MEIS1: variants seen among roughly 807,000 people sequenced by gnomAD.
The protein encoded by MEIS1 is homeobox protein Meis1.
MEIS1 carries 5 observed loss-of-function variants against 50.8 expected under a neutral mutation model. The observed-to-expected ratio is 0.10, with a 90% CI of 0.05 to 0.21. The LOEUF is 0.21. MEIS1 is among the 10% of genes least tolerant of loss of function. MEIS1 has a pLI of 1.00. For missense variants in MEIS1, 318 were observed against 517.3 expected (o/e 0.61, Z 3.74); for synonymous variants, 176 against 179.3 (o/e 0.98, Z 0.15).
chr2:66,482,076 G>A (rs1673030400), intron 7 of MEIS1, among the ~76,000 whole-genome samples: 1 of 151,894 alleles, frequency 6.6e-6, no homozygotes, highest in Non-Finnish European at 1.5e-5. Context: ...TGGCCAGGAT[G>A]GTCTCAATCT....
intron 7 of MEIS1, among the ~76,000 whole-genome samples, chr2:66,491,037 A>C (rs1224205135): frequency 6.6e-6 from 1 of 150,772 alleles, no homozygotes; most frequent in Non-Finnish European, 1.5e-5. Context: ...TTGTTACAAC[A>C]ACAAGAAAAA....
chr2:66,456,233 T>TACACACAC (rs200022620), intron 6 of MEIS1, among the ~76,000 whole-genome samples: 8 of 63,186 alleles, frequency 1.3e-4, no homozygotes, highest in Non-Finnish European at 2.5e-4. Flanking sequence ...ATATGATTTT[T>TACACACAC]ATACACACAC....
intron 7 of MEIS1, among the ~76,000 whole-genome samples, chr2:66,509,455 T>G (rs1673769524): frequency 6.6e-6 from 1 of 152,254 alleles, no homozygotes; most frequent in South Asian, 2.1e-4. Flanking sequence ...GTAGCTGTAT[T>G]TGCCTAAAAA....
intron 7 of MEIS1, among the ~76,000 whole-genome samples, chr2:66,473,397 A>AATATATATATATATATATATATAT (rs1553373466): frequency 4.6e-5 from 5 of 107,552 alleles, no homozygotes; most frequent in African/African-American, 2.3e-4. Context: ...AAAAAAAAAA[A>AATATATATATATATATATATATAT]ATATATATAT....
chr2:66,522,324 A>G (rs1177746335), intron 8 of MEIS1, among the ~76,000 whole-genome samples: 1 of 152,202 alleles, frequency 6.6e-6, no homozygotes, highest in African/African-American at 2.4e-5. Flanking sequence ...CTACGTGCCC[A>G]TGTTTCCTAT....
intron 7 of MEIS1, among the ~76,000 whole-genome samples, chr2:66,495,089 T>C (rs1012537145): frequency 6.8e-6 from 1 of 148,054 alleles, no homozygotes; most frequent in Non-Finnish European, 1.5e-5. Context: ...CCTTTTTTTT[T>C]TTTTTTTTTT....
At chr2:66,527,742 TG>T (rs1558551420) in intron 8 of MEIS1, among the ~76,000 whole-genome samples, 1 of 152,034 alleles carries the variant, frequency 6.6e-6, no homozygotes. Flanking sequence ...TTCCATGATA[TG>T]ATGACTTAAT....
At chr2:66,451,755 A>T (rs930473792) in intron 6 of MEIS1, among the ~76,000 whole-genome samples, 2 of 151,324 alleles carry the variant, frequency 1.3e-5, no homozygotes, top group Non-Finnish European at 2.9e-5. Context: ...ATTTACGTGA[A>T]GTGGAGTGTT....
chr2:66,538,694 A>G (rs186720691), intron 8 of MEIS1, among the ~76,000 whole-genome samples: 200 of 152,348 alleles, frequency 1.3e-3, no homozygotes, highest in Non-Finnish European at 2.2e-3. Flanking sequence ...ACTAAAATGT[A>G]ATGATTTTGA....
chr2:66,529,543 C>A (rs1018933546), intron 8 of MEIS1, among the ~76,000 whole-genome samples: 1 of 152,158 alleles, frequency 6.6e-6, no homozygotes, highest in South Asian at 2.1e-4. Context: ...TTAAAGCAAT[C>A]CTCCTGCCTC....
At chr2:66,530,240 A>C (rs1674357288) in intron 8 of MEIS1, among the ~76,000 whole-genome samples, 1 of 152,042 alleles carries the variant, frequency 6.6e-6, no homozygotes, top group South Asian at 2.1e-4. Context: ...AGACTTTCAG[A>C]GTGTAGTTGA....
chr2:66,450,749 G>T (rs1519103), intron 6 of MEIS1, among the ~76,000 whole-genome samples: 99,143 of 151,942 alleles, frequency 0.65, 32,742 homozygotes, highest in South Asian at 0.73. Flanking sequence ...ATCAATACCT[G>T]GCCACATAAG....
At chr2:66,436,994 G>C (rs1256418381) in intron 1 of MEIS1, 12 of 958,080 alleles carry the variant, frequency 1.3e-5, no homozygotes, top group African/African-American at 1.8e-5. Flanking sequence ...AAGTTCATAA[G>C]AGTAAATAAG....
chr2:66,522,034 G>A (rs1379241716), intron 8 of MEIS1, among the ~76,000 whole-genome samples: 1 of 152,138 alleles, frequency 6.6e-6, no homozygotes. Context: ...TTATCTTTGT[G>A]TGTTTCAGAA....
At chr2:66,514,692 A>T (rs1291148943) in intron 8 of MEIS1, among the ~76,000 whole-genome samples, 1 of 152,178 alleles carries the variant, frequency 6.6e-6, no homozygotes, top group Non-Finnish European at 1.5e-5. Flanking sequence ...TAGATAGCTA[A>T]TTGTTCTTAT....
chr2:66,468,338 C>T (rs1672688594), intron 7 of MEIS1, among the ~76,000 whole-genome samples: 1 of 152,240 alleles, frequency 6.6e-6, no homozygotes, highest in Admixed American at 6.5e-5. Flanking sequence ...AGGCCTGCCA[C>T]AGCCACTCTA....
intron 7 of MEIS1, among the ~76,000 whole-genome samples, chr2:66,510,178 T>C (rs1188556208): frequency 6.6e-6 from 1 of 152,236 alleles, no homozygotes; most frequent in Non-Finnish European, 1.5e-5. Flanking sequence ...TGAATTGTTA[T>C]TTTATATGGT....
At chr2:66,475,141 T>C (rs1434439420) in intron 7 of MEIS1, among the ~76,000 whole-genome samples, 1 of 147,052 alleles carries the variant, frequency 6.8e-6, no homozygotes, top group African/African-American at 2.5e-5. Flanking sequence ...TATACACATA[T>C]ATATATATAA....
intron 8 of MEIS1, among the ~76,000 whole-genome samples, chr2:66,524,887 A>G (rs974117294): frequency 6.6e-6 from 1 of 152,198 alleles, no homozygotes; most frequent in African/African-American, 2.4e-5. Context: ...TTACTACAGA[A>G]TTGAAAATTC....
Sources: allele counts gnomAD v4.1 joint callset (sites outside exome capture counted in the v4.1 genomes callset), GRCh38; gene constraint gnomAD v4.1.1; transcripts MANE v1.5; gene names NCBI Gene and HGNC (gene_info 2026-07-23, HGNC 2026-07-21).